GLIS3: variants seen among roughly 807,000 people sequenced by gnomAD.
GLIS3 encodes the protein zinc finger protein GLIS3.
GLIS3 carries 53 observed loss-of-function variants against 78.6 expected under a neutral mutation model. The observed-to-expected ratio is 0.67, with a 90% CI of 0.54 to 0.85. The LOEUF (loss-of-function observed/expected upper bound fraction) is 0.85, where lower values mean the gene tolerates loss of function less well. GLIS3 is among the 40% of genes least tolerant of loss of function. The pLI, the probability that GLIS3 is intolerant of heterozygous loss-of-function variation, is 0.00. For missense variants in GLIS3, 1,703 were observed against 1,231.1 expected, an observed-to-expected ratio of 1.38 and a Z score of -5.74; for synonymous variants, 684 against 509.9, an observed-to-expected ratio of 1.34 and a Z score of -4.60.
chr9:4,361,821 T>C, the GLIS3 span, among the ~76,000 whole-genome samples: 1 of 152,228 alleles, frequency 6.6e-6, no homozygotes, highest in African/African-American at 2.4e-5. Flanking sequence ...TGCAGATCAG[T>C]AGAAAATCTA....
intron 2 of GLIS3, among the ~76,000 whole-genome samples, chr9:4,321,553 T>C (rs1817529335): frequency 6.7e-6 from 1 of 148,330 alleles, no homozygotes; most frequent in Admixed American, 6.8e-5. Context: ...TTTACGTAAT[T>C]AAAATAAGAA....
At chr9:4,226,047 T>C (rs1821740852) in intron 2 of GLIS3, among the ~76,000 whole-genome samples, 1 of 152,200 alleles carries the variant, frequency 6.6e-6, no homozygotes. Flanking sequence ...TTCCAGCACA[T>C]TTAAATCGTT....
the GLIS3 span, among the ~76,000 whole-genome samples, chr9:4,373,830 G>A: frequency 6.6e-6 from 1 of 151,946 alleles, no homozygotes; most frequent in African/African-American, 2.4e-5. Flanking sequence ...ACCACGCCCA[G>A]TTAATTTTTG....
intron 2 of GLIS3, among the ~76,000 whole-genome samples, chr9:4,202,887 A>AGTT (rs1819529162): frequency 2.0e-5 from 3 of 152,242 alleles, no homozygotes; most frequent in Admixed American, 2.0e-4. Context: ...GCTAGGAAAC[A>AGTT]CCATTCTGGA....
intron 6 of GLIS3, among the ~76,000 whole-genome samples, chr9:3,922,198 T>C (rs374353615): frequency 4.7e-4 from 71 of 152,302 alleles, no homozygotes; most frequent in African/African-American, 1.6e-3. Flanking sequence ...TGAAATGCAG[T>C]GTATCTTTTA....
intron 2 of GLIS3, among the ~76,000 whole-genome samples, chr9:4,225,266 G>T (rs1179012148): frequency 1.3e-5 from 2 of 151,992 alleles, no homozygotes; most frequent in African/African-American, 4.8e-5. Flanking sequence ...TAAAATTTTG[G>T]CCTAGGACCT....
rs556962894 is a variant in GLIS3, at chr9:4,229,516, C to G, written c.388+56522G>C. ...GTAAAGGAGGGCTGGAGAAGTGTCT[C>G]CTGCACAGTGTTATCCTTAAACGTA... On this transcript the variant is annotated intron_variant, in intron 2 of 10. Transcript: ENST00000381971. 5.3e-5 allele frequency among the ~76,000 whole-genome samples: 8 copies of G among 152,242 alleles called. No homozygotes were observed. The South Asian group carries it at 1.2e-3, about 24-fold the overall frequency.
the GLIS3 span, among the ~76,000 whole-genome samples, chr9:4,409,319 T>A: frequency 2.0e-5 from 3 of 152,196 alleles, no homozygotes; most frequent in African/African-American, 7.2e-5. Context: ...TAACAGGGCT[T>A]AATTGATGAG....
chr9:4,110,261 A>T (rs923236586), intron 4 of GLIS3, among the ~76,000 whole-genome samples: 1 of 152,092 alleles, frequency 6.6e-6, no homozygotes, highest in African/African-American at 2.4e-5. Flanking sequence ...ACTCACTTTC[A>T]CTCTCAAAAG....
chr9:4,202,811 A>T (rs1306441385), intron 2 of GLIS3, among the ~76,000 whole-genome samples: 1 of 152,242 alleles, frequency 6.6e-6, no homozygotes, highest in Non-Finnish European at 1.5e-5. Context: ...CATATACAAA[A>T]ATTAAGTCAA....
chr9:4,182,935 C>G (rs962977454), intron 2 of GLIS3, among the ~76,000 whole-genome samples: 1 of 152,202 alleles, frequency 6.6e-6, no homozygotes, highest in African/African-American at 2.4e-5. Context: ...ATACATGGAA[C>G]TTGCCAAAGG....
intron 6 of GLIS3, among the ~76,000 whole-genome samples, chr9:3,902,638 A>C (rs1032775815): frequency 2.0e-5 from 3 of 152,158 alleles, no homozygotes; most frequent in African/African-American, 7.2e-5. Context: ...GCCCCACCCC[A>C]GAGCTGCTCA....
chr9:4,459,408 A>G, the GLIS3 span, among the ~76,000 whole-genome samples: 3 of 152,326 alleles, frequency 2.0e-5, no homozygotes, highest in African/African-American at 7.2e-5. Flanking sequence ...AGAGACTGAA[A>G]AGGAATAGCC....
intron 4 of GLIS3, among the ~76,000 whole-genome samples, chr9:3,948,571 C>G (rs972173118): frequency 3.2e-4 from 48 of 152,218 alleles, no homozygotes; most frequent in African/African-American, 8.4e-4. Flanking sequence ...CTTCCACCCC[C>G]TCTCTCTGGA....
rs531793310 is a variant in GLIS3 at position 4,040,632 on chromosome 9, T to C, written c.1710+77136A>G. Reference sequence around the variant, plus strand: ...ATCTGAACGGGAACTCCCAGCACTTTGGAGAACTATTAATGTGGACGATAA... The same window carrying C: ...ATCTGAACGGGAACTCCCAGCACTTCGGAGAACTATTAATGTGGACGATAA... On this transcript the variant is annotated intron_variant, in intron 4 of 10. Coordinates refer to ENST00000381971, the MANE Select transcript of GLIS3 (RefSeq NM_001042413.2). Among the ~76,000 whole-genome samples, 414 of 152,300 alleles carry C rather than the reference T, an allele frequency of 2.7e-3. 4 individuals carry two copies. Among genetic ancestry groups the C allele is most frequent in the African/African-American group, 9.3e-3 (387 of 41,564 alleles).
chr9:4,442,447 C>T, the GLIS3 span, among the ~76,000 whole-genome samples: 1 of 152,094 alleles, frequency 6.6e-6, no homozygotes, highest in African/African-American at 2.4e-5. Context: ...TGGTAATCAT[C>T]CAGTGGCAAG....
chr9:4,384,515 CCTT>C, the GLIS3 span, among the ~76,000 whole-genome samples: 1,775 of 150,052 alleles, frequency 0.012, 36 homozygotes, highest in African/African-American at 0.041. Context: ...TCCCTTCCTT[CCTT>C]CTTTTCTTCC....
intron 2 of GLIS3, among the ~76,000 whole-genome samples, chr9:4,197,538 T>A (rs1413028737): frequency 6.6e-6 from 1 of 152,084 alleles, no homozygotes; most frequent in East Asian, 1.9e-4. Context: ...TAGGCACATA[T>A]CTGGGCATTT....
chr9:4,438,498 G>A, the GLIS3 span, among the ~76,000 whole-genome samples: 2 of 152,138 alleles, frequency 1.3e-5, no homozygotes, highest in African/African-American at 2.4e-5. Context: ...GCAGTGTGAA[G>A]ATTTTCTCAC....
Sources: allele counts gnomAD v4.1 joint callset (sites outside exome capture counted in the v4.1 genomes callset), GRCh38; gene constraint gnomAD v4.1.1; transcripts MANE v1.5; gene names NCBI Gene and HGNC (gene_info 2026-07-23, HGNC 2026-07-21).